The following BAG3 variants were observed in gnomAD, a reference collection of about 807,000 sequenced individuals.
BAG3 encodes BAG cochaperone 3.
In BAG3, 14 loss-of-function variants were observed where a neutral mutation model predicts 40.5. The observed-to-expected ratio is 0.35, with a 90% CI of 0.23 to 0.54. The LOEUF (loss-of-function observed/expected upper bound fraction) is 0.54, where lower values mean the gene tolerates loss of function less well. Ranked by LOEUF, BAG3 falls within the 20% of genes least tolerant of loss-of-function variation. The pLI is 0.91. For synonymous variants in BAG3, 302 were observed against 307.8 expected (o/e 0.98, Z 0.20); for missense variants, 788 against 758.6 (o/e 1.04, Z -0.46).
At chr10:119,665,952 G>T in intron 1 of BAG3, among the ~76,000 whole-genome samples, 1 of 152,176 alleles carries the variant, frequency 6.6e-6, no homozygotes, top group East Asian at 1.9e-4. Context: ...CCTCGGGACT[G>T]TTGGAGAAGC....
Position 119,677,462 on chromosome 10 carries a change from T to G in BAG3, c.*180T>G. 1 of 768,662 alleles carries G rather than the reference T, an allele frequency of 1.3e-6. No homozygotes were observed. The highest frequency in any genetic ancestry group is 2.2e-6 in the Non-Finnish European group (1 of 462,654). The allele number at this position is 768,662 out of a possible 1,614,324, so 47.6% of individuals were successfully genotyped here. A position where few individuals can be genotyped will look rare whatever the true frequency, so the allele number is the denominator to read the frequency against. On this transcript the variant is annotated 3_prime_UTR_variant, in exon 4 of 4. Coordinates refer to ENST00000369085, the MANE Select transcript of BAG3 (RefSeq NM_004281.4). ...AGGAAAATGATGCTTTTCTTCTATA[T>G]TCTTACTCTGTACAAATAAAGAAGT...
In BAG3 at chr10:119,651,510, C is replaced by T. The variant is rs910516704; in HGVS notation, c.-166C>T. 26 of 551,818 alleles carry T rather than the reference C, an allele frequency of 4.7e-5. No individual in the cohort carries two copies. Among genetic ancestry groups the T allele is most frequent in the African/African-American group, 2.8e-4 (14 of 49,870 alleles). The allele number at this position is 551,818 out of a possible 1,614,324, so 34.2% of individuals were successfully genotyped here. A position where few individuals can be genotyped will look rare whatever the true frequency, so the allele number is the denominator to read the frequency against. ...AGGCTATTTCCAGACACTTCCACCC[C>T]TCTCTGGCCACGTCACCCCCGCCTT... On this transcript the variant is annotated 5_prime_UTR_variant, in exon 1 of 4. Transcript: ENST00000369085.
chr10:119,654,837 T>G (rs553308522), intron 1 of BAG3, among the ~76,000 whole-genome samples: 1 of 152,256 alleles, frequency 6.6e-6, no homozygotes, highest in East Asian at 1.9e-4. Flanking sequence ...CTCCTTGGGA[T>G]GAGAGGGAGA....
intron 1 of BAG3, among the ~76,000 whole-genome samples, chr10:119,661,909 G>A (rs764749810): frequency 3.3e-5 from 5 of 152,198 alleles, no homozygotes; most frequent in African/African-American, 4.8e-5. Flanking sequence ...GACTTTGGCT[G>A]TAGGGATGTT....
At chr10:119,662,224 T>TG (rs1847003426) in intron 1 of BAG3, among the ~76,000 whole-genome samples, 1 of 119,582 alleles carries the variant, frequency 8.4e-6, no homozygotes, top group Non-Finnish European at 1.8e-5. Flanking sequence ...TGTTTTTTTT[T>TG]TGTTTTTTTT....
intron 1 of BAG3, among the ~76,000 whole-genome samples, chr10:119,667,373 G>A (rs987244261): frequency 2.6e-5 from 4 of 152,134 alleles, no homozygotes; most frequent in East Asian, 1.9e-4. Flanking sequence ...CCAGTCTTCC[G>A]GGCATCCCTC....
chr10:119,665,481 G>A lies in BAG3; in HGVS notation c.181-4370G>A, dbSNP rs538955902. ...TTTAGTGAAGATGGGGTTTCATCACGTTGGCCAGGCTGGTCTTGAACTCCT... is the reference window on the plus strand; with the variant it reads ...TTTAGTGAAGATGGGGTTTCATCACATTGGCCAGGCTGGTCTTGAACTCCT... On this transcript the variant is annotated intron_variant, in intron 1 of 3. Coordinates refer to ENST00000369085, the MANE Select transcript of BAG3 (RefSeq NM_004281.4). 7.9e-5 allele frequency among the ~76,000 whole-genome samples: 12 copies of A among 152,000 alleles called. No homozygotes were observed. The East Asian group carries it at 1.2e-3, about 15-fold the overall frequency.
At chr10:119,661,247 G>A (rs186140551) in intron 1 of BAG3, among the ~76,000 whole-genome samples, 33 of 152,268 alleles carry the variant, frequency 2.2e-4, no homozygotes, top group African/African-American at 6.7e-4. Flanking sequence ...GCAACAGAGC[G>A]AGACTCAGTC....
chr10:119,665,092 T>TTGTG lies in BAG3; in HGVS notation c.181-4727_181-4724dup, dbSNP rs1554876557. 6.1e-3 allele frequency among the ~76,000 whole-genome samples: 537 copies of TTGTG among 88,006 alleles called. 4 individuals are homozygous for TTGTG. Among genetic ancestry groups the TTGTG allele is most frequent in the South Asian group, 0.03 (83 of 2,722 alleles). The allele number at this position is 88,006 out of a possible 152,430, so 57.7% of individuals were successfully genotyped here. On this transcript the variant is annotated intron_variant, in intron 1 of 3. Transcript: ENST00000369085. The stretch of plus-strand genomic sequence containing the variant: ...GCCACCACACACAGCTAATTTTTGT[T>TTGTG]TGTGTGTGTGTGTGTGTGTGTGTGT...
chr10:119,672,749 C>A lies in BAG3; in HGVS notation c.909+93C>A. 1 of 1,560,428 alleles carries A rather than the reference C, an allele frequency of 6.4e-7. No individual in the cohort carries two copies. On this transcript the variant is annotated intron_variant, in intron 3 of 3. Transcript: ENST00000369085. The surrounding 1 kb of genome is among the most constrained non-coding windows in gnomAD (Gnocchi z 4.8). ...GGTGCCCTGGGTTCCCCCTTCATCC[C>A]TGCCTATTTAACATGCGTGTACCTA...
chr10:119,671,125 C>T (rs1275560279), intron 2 of BAG3, among the ~76,000 whole-genome samples: 3 of 152,000 alleles, frequency 2.0e-5, no homozygotes, highest in Admixed American at 1.3e-4. Context: ...CTGGCTAACA[C>T]GGTGAAACCC....
In BAG3 at chr10:119,677,096, C is replaced by G; in HGVS notation, c.1542C>G (p.Asn514Lys). The G allele has an allele frequency of 6.2e-7, 1 of 1,614,162 alleles. No individual in the cohort carries two copies. The highest frequency in any genetic ancestry group is 1.6e-4 in the Middle Eastern group (1 of 6,062). Residue 514 changes from asparagine (N) to lysine (K), a missense_variant, in exon 4 of 4, where the codon AAC becomes AAG. By Grantham distance (94) the Asn-to-Lys change is moderately conservative. Coordinates refer to ENST00000369085, the MANE Select transcript of BAG3 (RefSeq NM_004281.4). The stretch of plus-strand genomic sequence containing the variant: ...AGGTCTATGAACTCCAGCCCAGCAA[C>G]CTTGAAGCAGATCAGCCACTGCAGG... ...QVQVYELQPS[N>K]LEADQPLQAI...
intron 3 of BAG3, among the ~76,000 whole-genome samples, chr10:119,675,790 CCCCCCTTCCCCTTCCCCCCTTCCCTG>C (rs1847214118): frequency 9.2e-5 from 2 of 21,808 alleles, no homozygotes; most frequent in Non-Finnish European, 2.1e-4. Context: ...CCCCTCCCTT[CCCCCCTTCCCCTTCCCCCCTTCCCTG>C]CTTCCTTCCC....
At position 119,662,215 on chromosome 10, in the gene BAG3, G is replaced by GTTTTTTTTTTTT. The variant is rs367864009; in HGVS notation, c.181-7626_181-7625insTTTTTTTTTTTT. Among the ~76,000 whole-genome samples, 98 of 90,386 alleles carry GTTTTTTTTTTTT rather than the reference G, an allele frequency of 1.1e-3. 1 individual carries two copies. Among genetic ancestry groups the GTTTTTTTTTTTT allele is most frequent in the African/African-American group, 1.3e-3 (28 of 21,806 alleles). 59.3% of individuals were successfully genotyped at this position (90,386 alleles called of 152,430 possible). A position where few individuals can be genotyped will look rare whatever the true frequency, so the allele number is the denominator to read the frequency against. ...GGCCCCCGCCACCATGCCTGGCTATGTTTTTTTTTTGTTTTTTTTTTTTTT... is the reference window on the plus strand; with the variant it reads ...GGCCCCCGCCACCATGCCTGGCTATGTTTTTTTTTTTTTTTTTTTTTTGTTTTTTTTTTTTTT... On this transcript the variant is annotated intron_variant, in intron 1 of 3. Transcript: ENST00000369085.
intron 1 of BAG3, among the ~76,000 whole-genome samples, chr10:119,667,878 G>C (rs1177683227): frequency 6.6e-6 from 1 of 152,218 alleles, no homozygotes; most frequent in African/African-American, 2.4e-5. Flanking sequence ...TGCAGGCTCC[G>C]ATTTCGGCTG....
chr10:119,660,807 A>G (rs1846982206), intron 1 of BAG3, among the ~76,000 whole-genome samples: 1 of 149,188 alleles, frequency 6.7e-6, no homozygotes, highest in East Asian at 2.0e-4. Context: ...AAGAAATGCA[A>G]TTGTGGCTGG....
intron 1 of BAG3, among the ~76,000 whole-genome samples, chr10:119,665,005 G>A (rs1847038943): frequency 6.6e-6 from 1 of 150,688 alleles, no homozygotes; most frequent in Non-Finnish European, 1.5e-5. Context: ...TGCAACCTCC[G>A]CCTCCAGCTT....
intron 3 of BAG3, among the ~76,000 whole-genome samples, chr10:119,675,568 A>G (rs984179987): frequency 1.3e-5 from 2 of 152,130 alleles, no homozygotes; most frequent in Non-Finnish European, 2.9e-5. Flanking sequence ...AGAAGATCGT[A>G]TCTTTTCTAA....
At position 119,651,706 on chromosome 10, in the gene BAG3, C is replaced by T; in HGVS notation, c.31C>T (p.Gln11Ter). 6.3e-7 allele frequency: 1 copy of T among 1,593,806 alleles called. No individual in the cohort carries two copies. The highest frequency in any genetic ancestry group is 2.3e-5 in the East Asian group (1 of 42,828). The part of the protein sequence containing the change: MSAATHSPMM[Q>*]VASGNGDRDP... ...CGCCGCCACCCACTCGCCCATGATGCAGGTGGCGTCCGGCAACGGTGACCG... is the reference window on the plus strand; with the variant it reads ...CGCCGCCACCCACTCGCCCATGATGTAGGTGGCGTCCGGCAACGGTGACCG... The change falls in exon 1 of 4, where the codon CAG (glutamine) becomes TAG (stop). Residue 11 changes from glutamine to a stop codon, truncating the protein, a stop_gained. Coordinates refer to ENST00000369085, the MANE Select transcript of BAG3 (RefSeq NM_004281.4). LOFTEE classifies it high-confidence loss of function.
Sources: allele counts gnomAD v4.1 joint callset (sites outside exome capture counted in the v4.1 genomes callset), GRCh38; gene constraint gnomAD v4.1.1; non-coding constraint Gnocchi (gnomAD v3.1); transcripts MANE v1.5; gene names NCBI Gene and HGNC (gene_info 2026-07-23, HGNC 2026-07-21).